ATP7B: variants seen among roughly 807,000 people sequenced by gnomAD.
The protein encoded by ATP7B is ATPase copper transporting beta.
A neutral mutation model predicts 118.9 loss-of-function variants in ATP7B; 113 were observed. The observed-to-expected ratio is 0.95, with a 90% CI of 0.82 to 1.11. The LOEUF is 1.11. Among genes scored for constraint, ATP7B ranks in the 50% most tolerant of loss-of-function variants. ATP7B has a pLI of 0.00. For missense variants in ATP7B, 1,867 were observed against 1,871.4 expected (o/e 1.00, Z 0.04); for synonymous variants, 777 against 727.4 (o/e 1.07, Z -1.10).
chr13:51,944,705 G>C (rs767752897), intron 13 of ATP7B, among the ~76,000 whole-genome samples: 14 of 152,182 alleles, frequency 9.2e-5, no homozygotes, highest in Non-Finnish European at 1.9e-4. Flanking sequence ...GCCTGCCTAA[G>C]TGCAAAAGCT....
At chr13:51,994,098 C>T (rs1358102424) in intron 1 of ATP7B, among the ~76,000 whole-genome samples, 1 of 152,194 alleles carries the variant, frequency 6.6e-6, no homozygotes, top group Non-Finnish European at 1.5e-5. Flanking sequence ...TTTAGTATTT[C>T]ACTATTTTAA....
chr13:51,975,572 C>T (rs777161013), intron 1 of ATP7B: 1 of 516,904 alleles, frequency 1.9e-6, no homozygotes, highest in Non-Finnish European at 3.9e-6. Context: ...GCTGATACCT[C>T]CCCACAGAAC....
At chr13:52,002,550 T>C (rs1177342919) in intron 1 of ATP7B, among the ~76,000 whole-genome samples, 1 of 806 alleles carries the variant, frequency 1.2e-3, no homozygotes, top group Admixed American at 0.014. Flanking sequence ...ACAGAGAACC[T>C]GTGAAACAAG....
At chr13:51,961,812 A>C in intron 6 of ATP7B, 25 bp downstream of exon 6, 2 of 1,603,214 alleles carry the variant, frequency 1.2e-6, no homozygotes, top group Non-Finnish European at 1.7e-6. Flanking sequence ...TGAGAGCTGG[A>C]GTTTATCTTT....
intron 3 of ATP7B, among the ~76,000 whole-genome samples, chr13:51,969,375 C>A (rs1034418850): frequency 6.6e-6 from 1 of 151,930 alleles, no homozygotes; most frequent in African/African-American, 2.4e-5. Flanking sequence ...CTTTAGAAGA[C>A]ACCAATGAAA....
chr13:51,967,749 A>G (rs751115765), intron 4 of ATP7B, among the ~76,000 whole-genome samples: 1 of 152,244 alleles, frequency 6.6e-6, no homozygotes, highest in East Asian at 1.9e-4. Flanking sequence ...GCATCATTCA[A>G]TTCTCTGTGA....
In ATP7B at chr13:51,939,130, T is replaced by C. The variant is rs7334118; in HGVS notation, c.3620A>G (p.His1207Arg). The change falls in exon 17 of 21, where the codon CAC becomes CGC. Residue 1207 changes from histidine to arginine, a missense_variant. Physicochemically the swap from His to Arg is conservative, Grantham distance 29. Transcript: ENST00000242839. ...AVKQEAALAV[H>R]TLQSMGVDVV... ...GTCCACACCCATGCTCTGCAGCGTGTGCACAGCCAGGGCAGCCTCCTGCTT... is the reference window on the plus strand; with the variant it reads ...GTCCACACCCATGCTCTGCAGCGTGCGCACAGCCAGGGCAGCCTCCTGCTT... 0.015 allele frequency: 24,809 copies of C among 1,614,212 alleles called. 768 individuals carry two copies. The highest frequency in any genetic ancestry group is 0.13 in the Admixed American group (7,731 of 60,032).
rs1164183638 is a variant in ATP7B at position 51,949,782 on chromosome 13, C to A, written c.2745G>T (p.Gln915His). 6.2e-7 allele frequency: 1 copy of A among 1,613,902 alleles called. No individual in the cohort carries two copies. The highest frequency in any genetic ancestry group is 8.5e-7 in the Non-Finnish European group (1 of 1,180,036). Residue 915 changes from glutamine (Q) to histidine (H), a missense_variant, in exon 12 of 21, where the codon CAG (glutamine) becomes CAT (histidine). Physicochemically the swap from Gln to His is conservative, Grantham distance 24 (BLOSUM62 0). Coordinates refer to ENST00000242839, the MANE Select transcript of ATP7B (RefSeq NM_000053.4). ...AATATCCACTAAACCGGTCAGCCAGCTGCTGAATGGGTGCCTATGAAAATA... is the reference window on the plus strand; with the variant it reads ...AATATCCACTAAACCGGTCAGCCAGATGCTGAATGGGTGCCTATGAAAATA... ...EAQMSKAPIQ[Q>H]LADRFSGYFV...
At chr13:51,947,127 G>C (rs146056084) in intron 12 of ATP7B, among the ~76,000 whole-genome samples, 91 of 152,240 alleles carry the variant, frequency 6.0e-4, no homozygotes, top group African/African-American at 1.9e-3. Flanking sequence ...GGCAACTATT[G>C]GAATGATGAT....
intron 14 of ATP7B, among the ~76,000 whole-genome samples, chr13:51,943,198 G>A (rs913055749): frequency 2.0e-5 from 3 of 152,158 alleles, no homozygotes; most frequent in South Asian, 2.1e-4. Flanking sequence ...CTGTGACACC[G>A]ACCTCACTTT....
chr13:51,965,160 T>A, intron 4 of ATP7B, 127 bp from the exon 5 acceptor site: 2 of 1,178,594 alleles, frequency 1.7e-6, no homozygotes, highest in Non-Finnish European at 2.4e-6. Flanking sequence ...CTCAAGACCC[T>A]GGACTCCACC....
chr13:51,937,800 A>T (rs968423971), intron 17 of ATP7B, 121 bp from the exon 18 acceptor site: 1 of 1,138,594 alleles, frequency 8.8e-7, no homozygotes, highest in African/African-American at 1.5e-5. Context: ...ATGTTGGTCA[A>T]CCACACCCTG....
chr13:51,961,593 G>T (rs1426105033), intron 6 of ATP7B, among the ~76,000 whole-genome samples: 1 of 152,200 alleles, frequency 6.6e-6, no homozygotes, highest in African/African-American at 2.4e-5. Flanking sequence ...AGCTGCATTT[G>T]AAGTGCTCAC....
At chr13:51,999,249 CAA>C (rs1816867201) in intron 1 of ATP7B, among the ~76,000 whole-genome samples, 1 of 152,166 alleles carries the variant, frequency 6.6e-6, no homozygotes, top group African/African-American at 2.4e-5. Flanking sequence ...GAGCAGTATT[CAA>C]AGTCTGAATT....
chr13:52,006,754 C>T (rs1953791099), intron 1 of ATP7B, among the ~76,000 whole-genome samples: 1 of 152,190 alleles, frequency 6.6e-6, no homozygotes, highest in African/African-American at 2.4e-5. Flanking sequence ...TGCCTCTTTC[C>T]ATTTCCAGTC....
chr13:51,989,197 T>C (rs1200983209), intron 1 of ATP7B, among the ~76,000 whole-genome samples: 2 of 152,340 alleles, frequency 1.3e-5, no homozygotes, highest in African/African-American at 4.8e-5. Context: ...TAAGGCAAAC[T>C]AATTATTAAA....
chr13:51,964,108 A>AACACACACACACACACAC (rs17334263), intron 5 of ATP7B, among the ~76,000 whole-genome samples: 6 of 145,652 alleles, frequency 4.1e-5, no homozygotes, highest in Non-Finnish European at 4.6e-5. Context: ...TCTCTCTTTA[A>AACACACACACACACACAC]ACACACACAC....
At chr13:51,935,834 A>C (rs1281030088) in intron 19 of ATP7B, 139 bp from the exon 20 acceptor site, 1 of 714,254 alleles carries the variant, frequency 1.4e-6, no homozygotes, top group Admixed American at 2.9e-5. Context: ...CTGCCAATGG[A>C]TCTTGCCCAC....
intron 3 of ATP7B, among the ~76,000 whole-genome samples, chr13:51,969,623 A>T (rs541653318): frequency 6.6e-6 from 1 of 152,342 alleles, no homozygotes; most frequent in East Asian, 1.9e-4. Context: ...AATAAATGAA[A>T]GGAAGGAAGT....
Sources: gnomAD v4.1 joint callset for allele counts (sites outside exome capture counted in the v4.1 genomes callset) on GRCh38, gnomAD v4.1.1 for gene constraint, MANE v1.5 for transcripts, NCBI Gene and HGNC (gene_info 2026-07-23, HGNC 2026-07-21) for gene names.